Variants in PTPRD observed in about 807,000 individuals in gnomAD.
PTPRD encodes receptor-type tyrosine-protein phosphatase delta.
In PTPRD, 34 loss-of-function variants were observed where a neutral mutation model predicts 214.5. That is an observed-to-expected ratio of 0.16 (90% CI 0.12 to 0.21). The LOEUF (loss-of-function observed/expected upper bound fraction) is 0.21, where lower values mean the gene tolerates loss of function less well. Ranked by LOEUF, PTPRD falls within the 10% of genes least tolerant of loss-of-function variation. The pLI is 1.00. For missense variants in PTPRD, 2,545 were observed against 2,398.7 expected (o/e 1.06, Z -1.27); for synonymous variants, 1,128 against 845.7 (o/e 1.33, Z -5.79).
At chr9:9,352,421 C>A (rs2051757009) in intron 9 of PTPRD, among the ~76,000 whole-genome samples, 1 of 149,832 alleles carries the variant, frequency 6.7e-6, no homozygotes, top group African/African-American at 2.5e-5. Context: ...TATGTTTTCC[C>A]AATAATCAAT....
chr9:9,794,231 A>G (rs891777590), intron 5 of PTPRD, among the ~76,000 whole-genome samples: 6 of 150,632 alleles, frequency 4.0e-5, no homozygotes, highest in Non-Finnish European at 8.9e-5. Flanking sequence ...GTACATATAC[A>G]TATATATATA....
chr9:9,066,199 A>G lies in PTPRD; in HGVS notation c.-142-47464T>C, dbSNP rs193210653. ...TCCTACTCTCATAAAATCAATTAGG[A>G]TGGGTCCTTTTTTTATTCCCTGGAA... is the stretch of plus-strand genomic sequence containing the variant. On this transcript the variant is annotated intron_variant, in intron 10 of 45. Transcript: ENST00000381196. Among the ~76,000 whole-genome samples, 8 of 152,240 alleles carry G rather than the reference A, an allele frequency of 5.3e-5. No homozygotes were observed. In the East Asian group the frequency reaches 1.5e-3, roughly 29 times the overall value.
chr9:9,933,978 AC>A (rs984991793), intron 5 of PTPRD, among the ~76,000 whole-genome samples: 2 of 146,396 alleles, frequency 1.4e-5, no homozygotes, highest in Non-Finnish European at 3.0e-5. Context: ...CTGAATGACT[AC>A]TGGGTACATA....
intron 26 of PTPRD, among the ~76,000 whole-genome samples, chr9:8,495,081 C>T (rs929811376): frequency 2.0e-5 from 3 of 152,120 alleles, no homozygotes; most frequent in African/African-American, 7.2e-5. Flanking sequence ...ATAATTATTT[C>T]TGCCCATATT....
chr9:8,660,686 TAC>T (rs2097024457), intron 12 of PTPRD, among the ~76,000 whole-genome samples: 5 of 152,140 alleles, frequency 3.3e-5, no homozygotes, highest in Non-Finnish European at 7.3e-5. Flanking sequence ...TGACTTCACA[TAC>T]TCTGCATTTG....
chr9:8,991,696 C>A (rs1314609769), intron 11 of PTPRD, among the ~76,000 whole-genome samples: 1 of 151,996 alleles, frequency 6.6e-6, no homozygotes. Context: ...GTGCAATTTG[C>A]CTCTTAGGGT....
At chr9:9,919,105 T>C (rs1009985805) in intron 5 of PTPRD, among the ~76,000 whole-genome samples, 1 of 152,156 alleles carries the variant, frequency 6.6e-6, no homozygotes, top group Admixed American at 6.6e-5. Flanking sequence ...AATATCCAAA[T>C]GAATGACAAT....
At chr9:9,162,110 T>C (rs1238242642) in intron 10 of PTPRD, among the ~76,000 whole-genome samples, 3 of 152,294 alleles carry the variant, frequency 2.0e-5, no homozygotes, top group South Asian at 4.1e-4. Flanking sequence ...CTATGCCATA[T>C]TGGCCTTTGT....
At chr9:9,379,848 T>A (rs965862177) in intron 9 of PTPRD, among the ~76,000 whole-genome samples, 2 of 152,040 alleles carry the variant, frequency 1.3e-5, no homozygotes, top group Non-Finnish European at 2.9e-5. Context: ...TGTTGGTATA[T>A]AGGAAAGCAA....
intron 8 of PTPRD, among the ~76,000 whole-genome samples, chr9:9,401,108 C>A (rs547510647): frequency 1.3e-3 from 197 of 152,008 alleles, no homozygotes; most frequent in African/African-American, 4.6e-3. Flanking sequence ...CAAGCTATTT[C>A]AGTATTGACT....
rs1178946022 is a variant in PTPRD at position 9,593,109 on chromosome 9, A to AAAGG, written c.-286-18332_-286-18329dup. On this transcript the variant is annotated intron_variant, in intron 7 of 45. Transcript: ENST00000381196. ...GAGAGGAAGAAAGACAGAGAGAGAG[A>AAAGG]AAGGAAGGAAGGAAAGGAAAGGAAA... 4.3e-3 allele frequency among the ~76,000 whole-genome samples: 638 copies of AAAGG among 148,794 alleles called. 11 individuals are homozygous for AAAGG. Among genetic ancestry groups the AAAGG allele is most frequent in the African/African-American group, 0.014 (560 of 40,250 alleles).
intron 8 of PTPRD, among the ~76,000 whole-genome samples, chr9:9,424,562 A>G (rs1317353604): frequency 6.6e-6 from 1 of 152,196 alleles, no homozygotes; most frequent in East Asian, 1.9e-4. Flanking sequence ...AATTACAAAG[A>G]TAATAGAATC....
intron 3 of PTPRD, among the ~76,000 whole-genome samples, chr9:10,094,995 T>C (rs2098468883): frequency 1.3e-5 from 2 of 151,448 alleles, no homozygotes; most frequent in Admixed American, 6.6e-5. Context: ...TTCATTACAA[T>C]AATAATAAAC....
intron 11 of PTPRD, among the ~76,000 whole-genome samples, chr9:8,811,426 A>G (rs1484556843): frequency 6.6e-6 from 1 of 152,192 alleles, no homozygotes; most frequent in Non-Finnish European, 1.5e-5. Flanking sequence ...CTGCCAACTG[A>G]ATTAGTCCCT....
intron 11 of PTPRD, among the ~76,000 whole-genome samples, chr9:8,782,886 A>G (rs543691943): frequency 0.012 from 1,887 of 152,170 alleles, 23 homozygotes; most frequent in African/African-American, 0.034. Context: ...CTGAGCCACC[A>G]CGCCTGGCCT....
At chr9:9,375,032 C>T (rs1468625523) in intron 9 of PTPRD, among the ~76,000 whole-genome samples, 1 of 151,972 alleles carries the variant, frequency 6.6e-6, no homozygotes, top group Non-Finnish European at 1.5e-5. Context: ...CTTTTTTTTA[C>T]AAAATAGAAC....
At chr9:9,100,105 T>C (rs1387612510) in intron 10 of PTPRD, among the ~76,000 whole-genome samples, 1 of 152,170 alleles carries the variant, frequency 6.6e-6, no homozygotes, top group African/African-American at 2.4e-5. Context: ...AAGTAGATTA[T>C]TTATTTATTT....
intron 11 of PTPRD, among the ~76,000 whole-genome samples, chr9:8,875,519 G>C (rs753232089): frequency 6.6e-6 from 1 of 152,068 alleles, no homozygotes; most frequent in African/African-American, 2.4e-5. Flanking sequence ...CAGTTCATCC[G>C]ATACCTAAGA....
In PTPRD at chr9:8,785,128, C is replaced by A. The variant is rs1447028152; in HGVS notation, c.-103-51182G>T. Among the ~76,000 whole-genome samples the A allele has an allele frequency of 3.3e-5, 5 of 151,978 alleles. No homozygotes were observed. In the East Asian group the frequency reaches 9.6e-4, roughly 29 times the overall value. ...AAACAACAAGGCCTCCCACAGCCCA[C>A]CAAAAATCAGGACTTGGTGTATAGA... On this transcript the variant is annotated intron_variant, in intron 11 of 45. Coordinates refer to ENST00000381196, the MANE Select transcript of PTPRD (RefSeq NM_002839.4).
Sources: allele counts gnomAD v4.1 joint callset (sites outside exome capture counted in the v4.1 genomes callset), GRCh38; gene constraint gnomAD v4.1.1; transcripts MANE v1.5; gene names NCBI Gene and HGNC (gene_info 2026-07-23, HGNC 2026-07-21).